The following PIBF1 variants were observed in gnomAD, a reference collection of about 807,000 sequenced individuals.
PIBF1 encodes progesterone-induced-blocking factor 1.
In PIBF1, 90 loss-of-function variants were observed where a neutral mutation model predicts 112.5. The observed-to-expected ratio is 0.80, with a 90% CI of 0.67 to 0.95. PIBF1 has a LOEUF of 0.95. Among genes scored for constraint, PIBF1 ranks in the 40% least tolerant of loss-of-function variants. PIBF1 has a pLI of 0.00. For synonymous variants in PIBF1, 301 were observed against 288.6 expected (o/e 1.04, Z -0.44); for missense variants, 915 against 852.3 (o/e 1.07, Z -0.92).
At chr13:72,987,858 A>ATTTATTTATTTATTTTTTTTT (rs1345167411) in intron 16 of PIBF1, among the ~76,000 whole-genome samples, 1 of 58,136 alleles carries the variant, frequency 1.7e-5, no homozygotes, top group Non-Finnish European at 2.8e-5. Flanking sequence ...TTATTTATTT[A>ATTTATTTATTTATTTTTTTTT]TTTTTTTTTT....
intron 17 of PIBF1, among the ~76,000 whole-genome samples, chr13:73,002,377 C>A (rs2043898927): frequency 6.6e-6 from 1 of 152,150 alleles, no homozygotes; most frequent in Admixed American, 6.6e-5. Context: ...CAGAAACACC[C>A]AGTTCATTCC....
intron 10 of PIBF1, among the ~76,000 whole-genome samples, chr13:72,872,409 T>C (rs1309568328): frequency 6.6e-6 from 1 of 152,188 alleles, no homozygotes; most frequent in African/African-American, 2.4e-5. Flanking sequence ...CTTGAAATGC[T>C]AAAGCACCAT....
chr13:72,986,667 TTC>T (rs2043295792), intron 16 of PIBF1, among the ~76,000 whole-genome samples: 2 of 149,978 alleles, frequency 1.3e-5, no homozygotes, highest in Admixed American at 6.6e-5. Context: ...CCAAAAATGT[TTC>T]TGTCATCTTT....
intron 9 of PIBF1, among the ~76,000 whole-genome samples, chr13:72,836,742 T>C (rs2037378106): frequency 6.6e-6 from 1 of 152,066 alleles, no homozygotes; most frequent in South Asian, 2.1e-4. Flanking sequence ...ATGATAGAAC[T>C]TTTTTAGGAT....
intron 11 of PIBF1, among the ~76,000 whole-genome samples, chr13:72,900,535 TTAGC>T (rs1298802109): frequency 9.2e-5 from 14 of 152,094 alleles, no homozygotes; most frequent in Non-Finnish European, 2.9e-5. Flanking sequence ...GCTGGGATAA[TTAGC>T]TAGCCACATG....
At chr13:72,876,542 A>G (rs539026803) in intron 10 of PIBF1, among the ~76,000 whole-genome samples, 1 of 152,268 alleles carries the variant, frequency 6.6e-6, no homozygotes, top group Non-Finnish European at 1.5e-5. Flanking sequence ...CATCTTCACA[A>G]TATTGCGTCT....
intron 15 of PIBF1, chr13:72,970,829 A>C (rs1051543487): frequency 3.9e-5 from 6 of 152,166 alleles, no homozygotes; most frequent in African/African-American, 1.4e-4. Context: ...CCACATGTTA[A>C]AGGTTGTCTC....
At chr13:72,807,630 T>C (rs1303147585) in intron 5 of PIBF1, among the ~76,000 whole-genome samples, 2 of 152,152 alleles carry the variant, frequency 1.3e-5, no homozygotes, top group Non-Finnish European at 2.9e-5. Flanking sequence ...TAATCTCAAG[T>C]TTGTAGACAG....
rs908452554 is a variant in PIBF1 at position 73,016,165 on chromosome 13, A to C, written c.*246A>C. On this transcript the variant is annotated 3_prime_UTR_variant, in exon 18 of 18. Coordinates refer to ENST00000326291, the MANE Select transcript of PIBF1 (RefSeq NM_006346.4). ...GCTTTAAATTTTGGAGCTTTCATAA[A>C]TGTTCAATGCATTTTAAGTGTGTGG... 2 of 181,026 alleles carry C rather than the reference A, an allele frequency of 1.1e-5. No homozygotes were observed. The highest frequency in any genetic ancestry group is 2.3e-5 in the Non-Finnish European group (2 of 88,818). 11.2% of individuals were successfully genotyped at this position (181,026 alleles called of 1,614,324 possible). A position where few individuals can be genotyped will look rare whatever the true frequency, so the allele number is the denominator to read the frequency against.
intron 9 of PIBF1, among the ~76,000 whole-genome samples, chr13:72,852,136 A>T (rs1476342958): frequency 6.6e-6 from 1 of 152,200 alleles, no homozygotes; most frequent in African/African-American, 2.4e-5. Context: ...CTGTAACACA[A>T]AAAGAGCTGA....
rs2036798981 is a variant in PIBF1 at position 72,826,069 on chromosome 13, T to C, written c.807-941T>C. ...AAAAAAAAAAAATTTAAAAAAAAGA[T>C]TTTTTAAAAAATTGCATGTGAAAGC... On this transcript the variant is annotated intron_variant, in intron 6 of 17. Transcript: ENST00000326291. Among the ~76,000 whole-genome samples, 4 of 151,400 alleles carry C rather than the reference T, an allele frequency of 2.6e-5. No homozygotes were observed. In the South Asian group the frequency reaches 6.2e-4, roughly 24 times the overall value.
chr13:72,892,453 G>A (rs1193789515), intron 10 of PIBF1, among the ~76,000 whole-genome samples: 1 of 152,024 alleles, frequency 6.6e-6, no homozygotes, highest in African/African-American at 2.4e-5. Context: ...ACTGACAGGA[G>A]TGAAATAGCC....
At chr13:72,951,982 G>A (rs1430722475) in intron 14 of PIBF1, among the ~76,000 whole-genome samples, 1 of 151,698 alleles carries the variant, frequency 6.6e-6, no homozygotes. Context: ...AGGTGCATGA[G>A]CCACTGCATC....
At chr13:73,005,919 C>CTTTT (rs34315714) in intron 17 of PIBF1, among the ~76,000 whole-genome samples, 17 of 132,780 alleles carry the variant, frequency 1.3e-4, no homozygotes, top group African/African-American at 2.2e-4. Context: ...TCTGGTTTCA[C>CTTTT]TTTTTTTTTT....
At chr13:72,899,066 C>T (rs1437557814) in intron 11 of PIBF1, among the ~76,000 whole-genome samples, 1 of 151,914 alleles carries the variant, frequency 6.6e-6, no homozygotes, top group African/African-American at 2.4e-5. Flanking sequence ...ACCCTCCTAG[C>T]TTAAATCAAG....
intron 2 of PIBF1, among the ~76,000 whole-genome samples, chr13:72,789,235 AGT>A (rs2034768329): frequency 6.6e-6 from 1 of 151,980 alleles, no homozygotes; most frequent in African/African-American, 2.4e-5. Flanking sequence ...CCCAGGCTGG[AGT>A]GCAGTGGCTT....
At chr13:72,886,740 T>A (rs1460308668) in intron 10 of PIBF1, among the ~76,000 whole-genome samples, 2 of 152,080 alleles carry the variant, frequency 1.3e-5, no homozygotes, top group Non-Finnish European at 1.5e-5. Context: ...ATACTCAGCA[T>A]TTTTAACTCA....
At chr13:72,933,049 C>CT (rs1460634485) in intron 14 of PIBF1, among the ~76,000 whole-genome samples, 7 of 151,462 alleles carry the variant, frequency 4.6e-5, no homozygotes, top group Admixed American at 1.3e-4. Flanking sequence ...CTACAAGCTG[C>CT]TGCAAGCCAA....
intron 14 of PIBF1, among the ~76,000 whole-genome samples, chr13:72,947,390 C>T (rs975190909): frequency 1.3e-5 from 2 of 152,138 alleles, no homozygotes; most frequent in Non-Finnish European, 2.9e-5. Flanking sequence ...ATTTTTCTCT[C>T]CTAGGGCTCC....
Sources: gnomAD v4.1 joint callset for allele counts (sites outside exome capture counted in the v4.1 genomes callset) on GRCh38, gnomAD v4.1.1 for gene constraint, MANE v1.5 for transcripts, NCBI Gene and HGNC (gene_info 2026-07-23, HGNC 2026-07-21) for gene names.